Variants in HTR2C observed in about 807,000 individuals in gnomAD.
HTR2C encodes the protein 5-hydroxytryptamine receptor 2C, also known as 5-hydroxytryptamine (serotonin) receptor 2C, G protein-coupled.
In HTR2C, 5 loss-of-function variants were observed where a neutral mutation model predicts 21.0. The ratio of observed to expected loss-of-function variants is 0.24; its 90% CI spans 0.12 to 0.50. The LOEUF (loss-of-function observed/expected upper bound fraction) is 0.50, where lower values mean the gene tolerates loss of function less well. Ranked by LOEUF, HTR2C falls within the 20% of genes least tolerant of loss-of-function variation. HTR2C has a pLI of 0.98. For synonymous variants in HTR2C, 150 were observed against 145.3 expected, an observed-to-expected ratio of 1.03 and a Z score of -0.23; for missense variants, 271 against 371.2, an observed-to-expected ratio of 0.73 and a Z score of 2.22.
chrX:114,831,414 C>A (rs1187100661), intron 4 of HTR2C, among the ~76,000 whole-genome samples: 5 of 97,951 alleles, frequency 5.1e-5, no homozygotes, highest in East Asian at 3.4e-4. Flanking sequence ...ATGGTATCTC[C>A]TAGTGGTTTT....
chrX:114,690,817 G>T (rs1556415020), intron 2 of HTR2C, among the ~76,000 whole-genome samples: 1 of 111,060 alleles, frequency 9.0e-6, no homozygotes, highest in African/African-American at 3.3e-5. Flanking sequence ...GAAAAAATTT[G>T]AGACTGATTT....
intron 5 of HTR2C, among the ~76,000 whole-genome samples, chrX:114,882,949 A>G (rs1428015893): frequency 9.1e-6 from 1 of 109,945 alleles, no homozygotes; most frequent in Non-Finnish European, 1.9e-5. Context: ...AACTTCTAAT[A>G]TCTTTAAATT....
chrX:114,841,666 G>A (rs782388596), intron 4 of HTR2C, among the ~76,000 whole-genome samples: 184 of 110,473 alleles, frequency 1.7e-3, no homozygotes, highest in African/African-American at 5.7e-3. Context: ...GCTTGAACCC[G>A]GAAGGCAGAG....
At chrX:114,628,773 G>A (rs782377578) in intron 2 of HTR2C, among the ~76,000 whole-genome samples, 27 of 111,616 alleles carry the variant, frequency 2.4e-4, no homozygotes, top group Non-Finnish European at 3.8e-4. Flanking sequence ...AAACTTTGGC[G>A]GAATTTCTGT....
chrX:114,826,607 C>T (rs1341214494), intron 4 of HTR2C, among the ~76,000 whole-genome samples: 1 of 111,770 alleles, frequency 8.9e-6, no homozygotes, highest in Non-Finnish European at 1.9e-5. Flanking sequence ...TCAAAATGTC[C>T]AAAATCTGAG....
At chrX:114,783,367 AC>A (rs1556440994) in intron 4 of HTR2C, among the ~76,000 whole-genome samples, 1 of 111,927 alleles carries the variant, frequency 8.9e-6, no homozygotes, top group African/African-American at 3.2e-5. Context: ...GAGTAAAAGA[AC>A]ATTACTGGAG....
At chrX:114,640,812 T>C (rs937368235) in intron 2 of HTR2C, among the ~76,000 whole-genome samples, 6 of 111,323 alleles carry the variant, frequency 5.4e-5, no homozygotes, top group South Asian at 3.8e-4. Context: ...TTCTATCTTA[T>C]GGATTTGTGA....
chrX:114,845,985 C>G, intron 4 of HTR2C, among the ~76,000 whole-genome samples: 1 of 110,162 alleles, frequency 9.1e-6, no homozygotes, highest in East Asian at 2.8e-4. Context: ...TGCAAACTAG[C>G]CCAGACAACA....
At chrX:114,874,982 C>T (rs1556477711) in intron 5 of HTR2C, among the ~76,000 whole-genome samples, 1 of 111,498 alleles carries the variant, frequency 9.0e-6, no homozygotes, top group Admixed American at 9.5e-5. Context: ...TATAACAAAA[C>T]ATCATAAACT....
At chrX:114,632,781 G>A (rs1929683927) in intron 2 of HTR2C, among the ~76,000 whole-genome samples, 1 of 110,363 alleles carries the variant, frequency 9.1e-6, no homozygotes, top group South Asian at 3.9e-4. Context: ...GGCCTCCTTA[G>A]AGGAGGCCTC....
At chrX:114,679,705 A>C (rs976151747) in intron 2 of HTR2C, among the ~76,000 whole-genome samples, 7 of 111,466 alleles carry the variant, frequency 6.3e-5, no homozygotes, top group Admixed American at 5.8e-4. Context: ...ACTAAACCTA[A>C]TAGCTTGCAA....
At chrX:114,813,903 A>G (rs1556453519) in intron 4 of HTR2C, among the ~76,000 whole-genome samples, 1 of 111,570 alleles carries the variant, frequency 9.0e-6, no homozygotes, top group Non-Finnish European at 1.9e-5. Flanking sequence ...ACAGTGTACC[A>G]GGAGATATAA....
At chrX:114,683,964 CTG>C (rs1488403661) in intron 2 of HTR2C, among the ~76,000 whole-genome samples, 2 of 111,513 alleles carry the variant, frequency 1.8e-5, no homozygotes, top group African/African-American at 6.5e-5. Context: ...AAAATATTCT[CTG>C]TACAAGTTCA....
intron 1 of HTR2C, among the ~76,000 whole-genome samples, chrX:114,585,299 A>G (rs1556389275): frequency 1.8e-5 from 2 of 111,774 alleles, no homozygotes; most frequent in South Asian, 7.6e-4. Context: ...TGTTAGCTGA[A>G]TTTGAACAGC....
intron 1 of HTR2C, among the ~76,000 whole-genome samples, chrX:114,587,795 T>C (rs1490860070): frequency 1.8e-5 from 2 of 111,876 alleles, no homozygotes; most frequent in Admixed American, 9.5e-5. Flanking sequence ...ACTGAGAACA[T>C]TGCTGCAAGA....
intron 2 of HTR2C, among the ~76,000 whole-genome samples, chrX:114,675,646 C>T (rs1487064570): frequency 9.0e-6 from 1 of 111,209 alleles, no homozygotes; most frequent in East Asian, 2.8e-4. Context: ...TTTTTATTTC[C>T]CGGAGCTTTG....
At chrX:114,618,347 A>G (rs1318083571) in intron 2 of HTR2C, among the ~76,000 whole-genome samples, 3 of 112,275 alleles carry the variant, frequency 2.7e-5, no homozygotes, top group Non-Finnish European at 5.6e-5. Context: ...TCAAAGTTAC[A>G]TGTTCATCCA....
chrX:114,815,258 G>A (rs1385422332), intron 4 of HTR2C, among the ~76,000 whole-genome samples: 1 of 110,170 alleles, frequency 9.1e-6, no homozygotes, highest in Non-Finnish European at 1.9e-5. Context: ...AGTGTTATTT[G>A]GATGATGACT....
rs2070777209 is a variant in HTR2C at position 114,835,903 on chromosome X, T to C, written c.350-12100T>C. 2.7e-5 allele frequency among the ~76,000 whole-genome samples: 3 copies of C among 109,774 alleles called. No homozygotes were observed. The Admixed American group carries it at 2.9e-4, about 11-fold the overall frequency. On this transcript the variant is annotated intron_variant, in intron 4 of 5. Coordinates refer to ENST00000276198, the MANE Select transcript of HTR2C (RefSeq NM_000868.4). ...GTTTTTGGTGTGGATGTCCTTTCTG[T>C]CTGTTAGTTTTCCTTCTAACAGACA... is the stretch of plus-strand genomic sequence containing the variant.
Sources: allele counts gnomAD v4.1 joint callset (sites outside exome capture counted in the v4.1 genomes callset), GRCh38; gene constraint gnomAD v4.1.1; transcripts MANE v1.5; gene names NCBI Gene and HGNC (gene_info 2026-07-23, HGNC 2026-07-21).